Variants in TENM1 observed in about 807,000 individuals in gnomAD.
The protein encoded by TENM1 is teneurin transmembrane protein 1.
In TENM1, 35 loss-of-function variants were observed where a neutral mutation model predicts 174.8. The observed-to-expected ratio is 0.20, with a 90% confidence interval of 0.15 to 0.27. The LOEUF (loss-of-function observed/expected upper bound fraction) is 0.27. TENM1 is among the 10% of genes least tolerant of loss of function. The probability of loss-of-function intolerance (pLI) is 1.00; values close to 1 mark genes in which losing one functional copy is unlikely to be tolerated. For missense variants in TENM1, 1,633 were observed against 2,130.1 expected (o/e 0.77, Z 4.59); for synonymous variants, 781 against 798.7 (o/e 0.98, Z 0.37).
intron 11 of TENM1, among the ~76,000 whole-genome samples, chrX:124,585,416 C>A (rs2049474362): frequency 9.0e-6 from 1 of 111,163 alleles, no homozygotes; most frequent in Non-Finnish European, 1.9e-5. Context: ...GGAAACTGAA[C>A]AACCTGCTCC....
intron 3 of TENM1, among the ~76,000 whole-genome samples, chrX:124,827,588 C>T (rs1211533187): frequency 9.0e-6 from 1 of 111,671 alleles, no homozygotes; most frequent in Non-Finnish European, 1.9e-5. Context: ...TATTTGGCTT[C>T]TATCCAAGGT....
chrX:125,027,088 CA>C, the TENM1 span, among the ~76,000 whole-genome samples: 1 of 111,613 alleles, frequency 9.0e-6, no homozygotes, highest in South Asian at 3.7e-4. Context: ...ACAAGGAAAA[CA>C]AATCAGATAT....
the TENM1 span, among the ~76,000 whole-genome samples, chrX:125,010,550 C>G: frequency 0.096 from 10,474 of 108,792 alleles, 507 homozygotes; most frequent in South Asian, 0.21. Flanking sequence ...CGCAGTGGCT[C>G]AAGCCTGTAA....
chrX:125,110,214 T>C, the TENM1 span, among the ~76,000 whole-genome samples: 9 of 111,305 alleles, frequency 8.1e-5, no homozygotes, highest in Non-Finnish European at 1.7e-4. Flanking sequence ...ATTAGAGTGG[T>C]TAAATAACTT....
At chrX:125,016,653 G>A in the TENM1 span, among the ~76,000 whole-genome samples, 1 of 111,447 alleles carries the variant, frequency 9.0e-6, no homozygotes, top group Non-Finnish European at 1.9e-5. Context: ...GTAATTTACA[G>A]ATTCAATACT....
At position 124,955,017 on chromosome X, in the gene TENM1, T is replaced by G. The variant is rs1375444357; in HGVS notation, c.217+8520A>C. ...TATATTTTGTAATTTACTTCCTGTC[T>G]TAGAGGATGCAGTGAACATTCCCCT... On this transcript the variant is annotated intron_variant, in intron 1 of 31. Transcript: ENST00000422452. Among the ~76,000 whole-genome samples, 4 of 112,186 alleles carry G rather than the reference T, an allele frequency of 3.6e-5. No individual in the cohort carries two copies. In the East Asian group the frequency reaches 1.1e-3, roughly 31 times the overall value.
At chrX:125,039,913 T>C in the TENM1 span, among the ~76,000 whole-genome samples, 3 of 111,451 alleles carry the variant, frequency 2.7e-5, no homozygotes, top group Non-Finnish European at 3.8e-5. Context: ...AAAATAATTG[T>C]AACTACATTT....
intron 28 of TENM1, among the ~76,000 whole-genome samples, chrX:124,390,548 G>A (rs746943410): frequency 8.9e-6 from 1 of 111,964 alleles, no homozygotes; most frequent in Non-Finnish European, 1.9e-5. Context: ...TTGGAATTAT[G>A]AGTGCAATCC....
At chrX:125,203,115 G>A in the TENM1 span, among the ~76,000 whole-genome samples, 3 of 113,019 alleles carry the variant, frequency 2.7e-5, no homozygotes, top group South Asian at 1.1e-3. Flanking sequence ...TAGGGAGGAC[G>A]CATCGGGTGG....
the TENM1 span, among the ~76,000 whole-genome samples, chrX:125,160,544 CAAAAAAAAAA>C: frequency 3.4e-5 from 1 of 28,999 alleles, no homozygotes; most frequent in Non-Finnish European, 5.0e-5. Context: ...GACCCCGTCT[CAAAAAAAAAA>C]AAAAAAAAAA....
intron 3 of TENM1, among the ~76,000 whole-genome samples, chrX:124,815,687 T>C (rs2055880597): frequency 1.8e-5 from 2 of 110,680 alleles, no homozygotes; most frequent in Admixed American, 9.7e-5. Context: ...TAAAAAAGAG[T>C]ACTTTAGTTG....
intron 4 of TENM1, among the ~76,000 whole-genome samples, chrX:124,708,544 A>C (rs1284083941): frequency 9.0e-6 from 1 of 111,499 alleles, no homozygotes; most frequent in Non-Finnish European, 1.9e-5. Flanking sequence ...TAAACATCTA[A>C]ATGCCCAGTA....
At chrX:124,380,753 G>A (rs80084860) in exon 32 of TENM1, 2 of 1,209,566 alleles carry the variant, frequency 1.7e-6, no homozygotes, top group South Asian at 1.8e-5. Context: ...CTGGGCCACT[G>A]CGCGCTGTCT....
intron 3 of TENM1, among the ~76,000 whole-genome samples, chrX:124,805,385 T>A (rs1284701840): frequency 8.9e-6 from 1 of 112,313 alleles, no homozygotes; most frequent in Non-Finnish European, 1.9e-5. Flanking sequence ...CTTGAGAGCC[T>A]GGAAAAAATT....
At chrX:124,791,363 C>T (rs1010173271) in intron 3 of TENM1, among the ~76,000 whole-genome samples, 10 of 111,659 alleles carry the variant, frequency 9.0e-5, no homozygotes. Flanking sequence ...TACATATATA[C>T]AAAATATATC....
intron 18 of TENM1, among the ~76,000 whole-genome samples, chrX:124,517,718 C>T (rs1200081277): frequency 3.7e-5 from 4 of 107,227 alleles, no homozygotes; most frequent in Admixed American, 3.0e-4. Context: ...ATGCATATGA[C>T]GAGTTAATGG....
chrX:124,971,705 TG>T, the TENM1 span, among the ~76,000 whole-genome samples: 1 of 112,203 alleles, frequency 8.9e-6, no homozygotes. Flanking sequence ...TGATTTACAC[TG>T]CCATTAGCAA....
In TENM1 at chrX:124,547,328, G is replaced by T. The variant is rs140619381; in HGVS notation, c.2435-238C>A. On this transcript the variant is annotated intron_variant, in intron 14 of 31. Transcript: ENST00000422452. ...AAATTTTTCTTTCCTGAATTATCCAGCATTTATCAGCTGGAGAATATAGTT... is the reference window on the plus strand; with the variant it reads ...AAATTTTTCTTTCCTGAATTATCCATCATTTATCAGCTGGAGAATATAGTT... Among the ~76,000 whole-genome samples the T allele has an allele frequency of 5.5e-3, 614 of 111,618 alleles. 3 individuals are homozygous for T. The highest frequency in any genetic ancestry group is 0.018 in the African/African-American group (564 of 30,726).
intron 27 of TENM1, among the ~76,000 whole-genome samples, chrX:124,400,787 C>G (rs1178059650): frequency 4.5e-5 from 5 of 111,865 alleles, no homozygotes; most frequent in African/African-American, 1.6e-4. Flanking sequence ...ATGCCCAATT[C>G]TTTTTACAAT....
Sources: gnomAD v4.1 joint callset for allele counts (sites outside exome capture counted in the v4.1 genomes callset) on GRCh38, gnomAD v4.1.1 for gene constraint, MANE v1.5 for transcripts, NCBI Gene and HGNC (gene_info 2026-07-23, HGNC 2026-07-21) for gene names.